MEP1A: variants seen among roughly 807,000 people sequenced by gnomAD.
The protein encoded by MEP1A is N-benzoyl-L-tyrosyl-P-amino-benzoic acid hydrolase subunit alpha.
In MEP1A, 68 loss-of-function variants were observed where a neutral mutation model predicts 84.5. The observed-to-expected ratio is 0.80, with a 90% CI of 0.66 to 0.98. The LOEUF (loss-of-function observed/expected upper bound fraction) is 0.98. MEP1A is among the 50% of genes least tolerant of loss of function. The probability of loss-of-function intolerance (pLI) is 0.00; values close to 1 mark genes in which losing one functional copy is unlikely to be tolerated. For synonymous variants in MEP1A, 337 were observed against 336.8 expected, an observed-to-expected ratio of 1.00 and a Z score of -0.01; for missense variants, 887 against 919.9, an observed-to-expected ratio of 0.96 and a Z score of 0.46.
intron 6 of MEP1A, among the ~76,000 whole-genome samples, chr6:46,811,197 A>G (rs1393512809): frequency 1.3e-5 from 2 of 151,902 alleles, no homozygotes; most frequent in Non-Finnish European, 2.9e-5. Context: ...TTGGTTAGGT[A>G]TATTCCTAAG....
At chr6:46,795,124 C>T (rs1767022893) in intron 3 of MEP1A, among the ~76,000 whole-genome samples, 1 of 152,130 alleles carries the variant, frequency 6.6e-6, no homozygotes, top group African/African-American at 2.4e-5. Context: ...TCTTATCCTC[C>T]ATCCCAAGAC....
chr6:46,806,298 T>A (rs948436968), intron 5 of MEP1A, among the ~76,000 whole-genome samples: 3 of 152,102 alleles, frequency 2.0e-5, no homozygotes, highest in Non-Finnish European at 4.4e-5. Context: ...TTGTGTTACA[T>A]TGTAGTGATT....
chr6:46,844,062 C>G (rs1335508787), downstream of MEP1A, among the ~76,000 whole-genome samples: 1 of 152,088 alleles, frequency 6.6e-6, no homozygotes, highest in Non-Finnish European at 1.5e-5. Context: ...AATTAGTCAC[C>G]TACTCAAATT....
intron 9 of MEP1A, among the ~76,000 whole-genome samples, chr6:46,827,990 C>A (rs1352302121): frequency 6.6e-6 from 1 of 152,144 alleles, no homozygotes; most frequent in Non-Finnish European, 1.5e-5. Context: ...GGAACATGTC[C>A]CTCTGCTAGA....
In MEP1A at chr6:46,793,727, T is replaced by C; in HGVS notation, c.145+11T>C. 1.9e-6 allele frequency: 3 copies of C among 1,594,364 alleles called. No homozygotes were observed. Among genetic ancestry groups the C allele is most frequent in the Non-Finnish European group, 2.6e-6 (3 of 1,163,346 alleles). On this transcript the variant is annotated intron_variant, in intron 3 of 13. Transcript: ENST00000230588. The stretch of plus-strand genomic sequence containing the variant: ...CAGAAATCAATTTAGGTGAGTTCAA[T>C]TTTTGTGTTATTAAAGTCTTGAAAT...
rs1269423836 is a variant in MEP1A at position 46,833,296 on chromosome 6, G to A, written c.1367G>A (p.Ser456Asn). ...ENTSKGDKLQSPRFYNSEGYG... is the reference protein window; with the variant it reads ...ENTSKGDKLQNPRFYNSEGYG... ...ACCAGCAAAGGGGACAAGCTTCAGAGCCCTCGATTCTACAATTCGGAGGGA... is the reference window on the plus strand; with the variant it reads ...ACCAGCAAAGGGGACAAGCTTCAGAACCCTCGATTCTACAATTCGGAGGGA... Residue 456 changes from serine (S) to asparagine (N), a missense_variant, in exon 11 of 14, where the codon AGC becomes AAC. Coordinates refer to ENST00000230588, the MANE Select transcript of MEP1A (RefSeq NM_005588.3). 2 of 1,614,084 alleles carry A rather than the reference G, an allele frequency of 1.2e-6. No homozygotes were observed. Among genetic ancestry groups the A allele is most frequent in the Non-Finnish European group, 1.7e-6 (2 of 1,180,022 alleles).
rs770709836 is a variant in MEP1A at position 46,793,679 on chromosome 6, T to A, written c.108T>A (p.Asp36Glu). The A allele has an allele frequency of 1.2e-6, 2 of 1,610,290 alleles. No homozygotes were observed. Among genetic ancestry groups the A allele is most frequent in the Admixed American group, 3.3e-5 (2 of 59,912 alleles). The change falls in exon 3 of 14, where the codon GAT becomes GAA. Residue 36 changes from aspartate to glutamate, a missense_variant. Coordinates refer to ENST00000230588, the MANE Select transcript of MEP1A (RefSeq NM_005588.3). ...CACTTTTAACAGTACATGATGCAGA[T>A]TTTGGTGAACAGAAGGATATTTCAG... is the stretch of plus-strand genomic sequence containing the variant. The part of the protein sequence containing the change: ...YLPEENVHDA[D>E]FGEQKDISEI...
rs148089625 is a variant in MEP1A at position 46,826,555 on chromosome 6, AG to A, written c.928+54del. On this transcript the variant is annotated intron_variant, in intron 9 of 13. Transcript: ENST00000230588. ...TTGATGTGGTTCACCAGGTTCAATT[AG>A]GTTATGCCAGCCACCATGTTTTGCC... is the stretch of plus-strand genomic sequence containing the variant. The A allele has an allele frequency of 5.8e-4, 785 of 1,351,206 alleles. 6 individuals carry two copies. In the African/African-American group the frequency reaches 0.011, roughly 18 times the overall value. The allele number at this position is 1,351,206 out of a possible 1,614,324, so 83.7% of individuals were successfully genotyped here.
chr6:46,835,099 G>A (rs555738904), intron 12 of MEP1A, 150 bp from the exon 13 acceptor site: 2 of 692,798 alleles, frequency 2.9e-6, no homozygotes, highest in South Asian at 4.1e-5. Context: ...AGCTAATACT[G>A]TGGGAATCAG....
intron 5 of MEP1A, among the ~76,000 whole-genome samples, chr6:46,800,910 A>G (rs1337719230): frequency 2.0e-5 from 3 of 152,102 alleles, no homozygotes; most frequent in Non-Finnish European, 4.4e-5. Flanking sequence ...ATACCATAGT[A>G]TTTGTTTTAT....
Position 46,832,338 on chromosome 6 carries a change from T to C in MEP1A, c.1145-736T>C, listed in dbSNP as rs150272074. On this transcript the variant is annotated intron_variant, in intron 10 of 13. Coordinates refer to ENST00000230588, the MANE Select transcript of MEP1A (RefSeq NM_005588.3). ...CAAGCTCCTGTCTGGCTTCTTATAC[T>C]GTTCAACCCAGGATCCTATGTTCTA... Among the ~76,000 whole-genome samples, 78 of 152,338 alleles carry C rather than the reference T, an allele frequency of 5.1e-4. 1 individual carries two copies. In the East Asian group the frequency reaches 0.014, roughly 27 times the overall value.
At chr6:46,835,871 C>A (rs1768206851) in intron 13 of MEP1A, among the ~76,000 whole-genome samples, 1 of 152,212 alleles carries the variant, frequency 6.6e-6, no homozygotes, top group African/African-American at 2.4e-5. Context: ...GGACTTTCTA[C>A]TCCATGAGGG....
intron 6 of MEP1A, among the ~76,000 whole-genome samples, chr6:46,814,498 G>T (rs1767585392): frequency 6.6e-6 from 1 of 151,450 alleles, no homozygotes; most frequent in Non-Finnish European, 1.5e-5. Flanking sequence ...CCTTTCTCTG[G>T]TGCCTCCTTG....
rs898333334 is a variant in MEP1A at position 46,835,646 on chromosome 6, G to C, written c.2084+97G>C. The C allele has an allele frequency of 3.7e-5, 47 of 1,267,994 alleles. No individual in the cohort carries two copies. The African/African-American group carries it at 5.1e-4, about 14-fold the overall frequency. The allele number at this position is 1,267,994 out of a possible 1,614,324, so 78.5% of individuals were successfully genotyped here. A position where few individuals can be genotyped will look rare whatever the true frequency, so the allele number is the denominator to read the frequency against. ...GCTGCTGTTTGCAGAGTAGGGCGAA[G>C]ACTACCTCAGATGGTCAACTGAATG... On this transcript the variant is annotated intron_variant, in intron 13 of 13. Transcript: ENST00000230588.
chr6:46,831,740 G>A (rs1768079758), intron 10 of MEP1A, among the ~76,000 whole-genome samples: 1 of 152,100 alleles, frequency 6.6e-6, no homozygotes, highest in Non-Finnish European at 1.5e-5. Context: ...ATAACCTGCT[G>A]GATAAATAGT....
intron 5 of MEP1A, among the ~76,000 whole-genome samples, chr6:46,807,566 A>G (rs1767365887): frequency 4.8e-5 from 3 of 61,876 alleles, no homozygotes; most frequent in African/African-American, 8.7e-5. Context: ...GAAAGAAAGA[A>G]AGGAAGGAAG....
intron 5 of MEP1A, among the ~76,000 whole-genome samples, chr6:46,800,194 C>A (rs1684280644): frequency 6.6e-6 from 1 of 152,198 alleles, no homozygotes; most frequent in South Asian, 2.1e-4. Flanking sequence ...GGGGTTCTTT[C>A]CCATTACAAT....
At chr6:46,830,321 G>A (rs1484240740) in intron 10 of MEP1A, among the ~76,000 whole-genome samples, 2 of 143,404 alleles carry the variant, frequency 1.4e-5, no homozygotes. Context: ...AAAAACAAAT[G>A]ATACCATTAT....
intron 7 of MEP1A, among the ~76,000 whole-genome samples, chr6:46,823,877 C>T (rs1767838862): frequency 6.6e-6 from 1 of 152,194 alleles, no homozygotes. Flanking sequence ...TCTTATCTCA[C>T]TTTCACTAAT....
Sources: allele counts gnomAD v4.1 joint callset (sites outside exome capture counted in the v4.1 genomes callset), GRCh38; gene constraint gnomAD v4.1.1; transcripts MANE v1.5; gene names NCBI Gene and HGNC (gene_info 2026-07-23, HGNC 2026-07-21).